The following ITFG1 variants were observed in gnomAD, a reference collection of about 807,000 sequenced individuals.
ITFG1 encodes integrin alpha FG-GAP repeat containing 1, also known as T-cell immunomodulatory protein.
ITFG1 carries 34 observed loss-of-function variants against 81.8 expected under a neutral mutation model. The ratio of observed to expected loss-of-function variants is 0.42; its 90% CI spans 0.32 to 0.55. The LOEUF is 0.55. Ranked by LOEUF, ITFG1 falls within the 20% of genes least tolerant of loss-of-function variation. The pLI is 0.17. For missense variants in ITFG1, 672 were observed against 755.4 expected (o/e 0.89, Z 1.29); for synonymous variants, 285 against 270.6 (o/e 1.05, Z -0.52).
At chr16:47,335,368 C>G (rs1045714180) in intron 8 of ITFG1, among the ~76,000 whole-genome samples, 3 of 151,746 alleles carry the variant, frequency 2.0e-5, no homozygotes, top group Non-Finnish European at 4.4e-5. Context: ...AAAAACAAAA[C>G]AAAACAAGAC....
intron 13 of ITFG1, among the ~76,000 whole-genome samples, chr16:47,220,109 G>C (rs1236462215): frequency 6.6e-6 from 1 of 152,162 alleles, no homozygotes; most frequent in Non-Finnish European, 1.5e-5. Flanking sequence ...GTCAGCATGT[G>C]TCTGATATGA....
At chr16:47,345,974 A>G (rs1207946827) in intron 8 of ITFG1, among the ~76,000 whole-genome samples, 1 of 152,208 alleles carries the variant, frequency 6.6e-6, no homozygotes, top group East Asian at 1.9e-4. Flanking sequence ...CACTTTCAAC[A>G]TTAATAAGGA....
intron 6 of ITFG1, among the ~76,000 whole-genome samples, chr16:47,416,390 C>T (rs937360761): frequency 1.3e-5 from 2 of 152,104 alleles, no homozygotes; most frequent in African/African-American, 2.4e-5. Flanking sequence ...AGAATTCATA[C>T]ATTACTTGTT....
intron 11 of ITFG1, among the ~76,000 whole-genome samples, chr16:47,260,177 T>C (rs1966192084): frequency 6.6e-6 from 1 of 152,092 alleles, no homozygotes; most frequent in African/African-American, 2.4e-5. Context: ...GACCTCATGA[T>C]CCGCCTGCCT....
chr16:47,181,560 GT>G (rs1434777168), intron 14 of ITFG1, among the ~76,000 whole-genome samples: 15 of 140,676 alleles, frequency 1.1e-4, no homozygotes, highest in African/African-American at 3.6e-4. Flanking sequence ...GTGGGGGGGG[GT>G]CAGCCCCCCC....
At chr16:47,183,302 T>A (rs2151514555) in intron 14 of ITFG1, among the ~76,000 whole-genome samples, 1 of 152,286 alleles carries the variant, frequency 6.6e-6, no homozygotes, top group Non-Finnish European at 1.5e-5. Flanking sequence ...CCTGCCTGCC[T>A]CTGTAGGCTC....
intron 10 of ITFG1, among the ~76,000 whole-genome samples, chr16:47,298,017 A>AT (rs912713341): frequency 1.3e-5 from 2 of 151,860 alleles, no homozygotes; most frequent in African/African-American, 4.8e-5. Flanking sequence ...GTCTTTGTTC[A>AT]TTTTTTTCTT....
chr16:47,331,944 A>C (rs1967642979), intron 8 of ITFG1, among the ~76,000 whole-genome samples: 1 of 152,136 alleles, frequency 6.6e-6, no homozygotes, highest in Non-Finnish European at 1.5e-5. Flanking sequence ...TAAATACATA[A>C]TCTCCTCAAA....
intron 14 of ITFG1, among the ~76,000 whole-genome samples, chr16:47,182,514 A>G (rs892483144): frequency 7.2e-5 from 11 of 152,180 alleles, no homozygotes; most frequent in South Asian, 2.1e-4. Context: ...TAGTTTGTGT[A>G]TTCATTCATC....
chr16:47,400,451 T>C (rs1968646061), intron 6 of ITFG1, among the ~76,000 whole-genome samples: 1 of 141,144 alleles, frequency 7.1e-6, no homozygotes. Context: ...GAAGACAGAG[T>C]CACTTTACAC....
intron 12 of ITFG1, among the ~76,000 whole-genome samples, chr16:47,255,741 G>A (rs1277691482): frequency 6.6e-6 from 1 of 152,148 alleles, no homozygotes; most frequent in Non-Finnish European, 1.5e-5. Flanking sequence ...TAAGACAGAG[G>A]CTGCTCTTAA....
intron 5 of ITFG1, among the ~76,000 whole-genome samples, chr16:47,441,267 A>C (rs924450034): frequency 1.7e-4 from 26 of 152,282 alleles, no homozygotes; most frequent in Admixed American, 3.9e-4. Flanking sequence ...GGAGCTGGTA[A>C]CATTCCTTCT....
chr16:47,164,748 T>C (rs1964865487), intron 14 of ITFG1, among the ~76,000 whole-genome samples: 1 of 152,244 alleles, frequency 6.6e-6, no homozygotes, highest in African/African-American at 2.4e-5. Flanking sequence ...ATGAAGATTT[T>C]CCAGGGAGCT....
At chr16:47,443,024 G>T (rs754518800) in intron 5 of ITFG1, among the ~76,000 whole-genome samples, 12 of 152,034 alleles carry the variant, frequency 7.9e-5, no homozygotes, top group Non-Finnish European at 1.8e-4. Context: ...CTAATATCAA[G>T]AATCTACAAT....
intron 14 of ITFG1, among the ~76,000 whole-genome samples, chr16:47,185,826 T>A (rs1965203741): frequency 1.3e-5 from 2 of 152,006 alleles, no homozygotes; most frequent in Admixed American, 6.6e-5. Flanking sequence ...CAGAAGCTGG[T>A]TTTCTGAAAA....
At chr16:47,204,371 G>A (rs867872423) in intron 14 of ITFG1, among the ~76,000 whole-genome samples, 12 of 152,242 alleles carry the variant, frequency 7.9e-5, no homozygotes, top group South Asian at 2.1e-4. Flanking sequence ...GACTCCAACA[G>A]GTACCTTAAA....
intron 5 of ITFG1, among the ~76,000 whole-genome samples, chr16:47,432,924 A>C (rs1969112356): frequency 6.6e-6 from 1 of 152,212 alleles, no homozygotes; most frequent in Non-Finnish European, 1.5e-5. Flanking sequence ...ACCCAAAGTA[A>C]TTTCAGAAAA....
At chr16:47,366,805 G>T (rs981676223) in intron 7 of ITFG1, among the ~76,000 whole-genome samples, 2 of 152,112 alleles carry the variant, frequency 1.3e-5, no homozygotes, top group Non-Finnish European at 2.9e-5. Flanking sequence ...GGATACTGTA[G>T]ATCTGTCTGA....
intron 5 of ITFG1, among the ~76,000 whole-genome samples, chr16:47,437,522 T>C (rs1176764924): frequency 6.7e-6 from 1 of 149,920 alleles, no homozygotes; most frequent in Admixed American, 6.7e-5. Flanking sequence ...GAAATATTTA[T>C]AGATTCAAAA....
Sources: allele counts gnomAD v4.1 joint callset (sites outside exome capture counted in the v4.1 genomes callset), GRCh38; gene constraint gnomAD v4.1.1; transcripts MANE v1.5; gene names NCBI Gene and HGNC (gene_info 2026-07-23, HGNC 2026-07-21).